CDH13: variants seen among roughly 807,000 people sequenced by gnomAD.
CDH13 encodes the protein cadherin-13.
CDH13 carries 24 observed loss-of-function variants against 63.8 expected under a neutral mutation model. The observed-to-expected ratio is 0.38, with a 90% CI of 0.27 to 0.53. The LOEUF (loss-of-function observed/expected upper bound fraction) is 0.53. Among genes scored for constraint, CDH13 ranks in the 20% least tolerant of loss-of-function variants. The probability of loss-of-function intolerance (pLI) is 0.85; values close to 1 mark genes in which losing one functional copy is unlikely to be tolerated. For synonymous variants in CDH13, 503 were observed against 355.3 expected, an observed-to-expected ratio of 1.42 and a Z score of -4.67; for missense variants, 1,049 against 903.1, an observed-to-expected ratio of 1.16 and a Z score of -2.07.
At chr16:82,653,953 T>G (rs2150912199) in intron 1 of CDH13, among the ~76,000 whole-genome samples, 1 of 152,156 alleles carries the variant, frequency 6.6e-6, no homozygotes, top group South Asian at 2.1e-4. Context: ...ACTTGCTAAT[T>G]AACTGTACGG....
At chr16:83,093,107 C>A (rs1054705035) in intron 3 of CDH13, among the ~76,000 whole-genome samples, 1 of 152,066 alleles carries the variant, frequency 6.6e-6, no homozygotes, top group Non-Finnish European at 1.5e-5. Flanking sequence ...CAACCTCCAT[C>A]TATAAAAGAA....
intron 11 of CDH13, among the ~76,000 whole-genome samples, chr16:83,748,738 G>A (rs921133217): frequency 2.6e-5 from 4 of 152,192 alleles, no homozygotes; most frequent in South Asian, 2.1e-4. Flanking sequence ...ATTGCTGTTC[G>A]TTCAAAAGAT....
At chr16:83,727,134 TC>T (rs1381822524) in intron 10 of CDH13, among the ~76,000 whole-genome samples, 1 of 152,124 alleles carries the variant, frequency 6.6e-6, no homozygotes. Context: ...TAGAACATTT[TC>T]AGCACCCTAA....
chr16:83,260,165 C>G (rs1055317979), intron 5 of CDH13, among the ~76,000 whole-genome samples: 1 of 143,740 alleles, frequency 7.0e-6, no homozygotes, highest in South Asian at 2.3e-4. Context: ...ACAAAGTTTA[C>G]AAATAATACT....
At chr16:82,649,072 T>C (rs1002439670) in intron 1 of CDH13, among the ~76,000 whole-genome samples, 2 of 134,622 alleles carry the variant, frequency 1.5e-5, no homozygotes, top group African/African-American at 6.2e-5. Context: ...GCAATGGAAC[T>C]AATATAAATA....
chr16:83,408,326 C>T (rs1438216964), intron 6 of CDH13, among the ~76,000 whole-genome samples: 1 of 152,158 alleles, frequency 6.6e-6, no homozygotes, highest in African/African-American at 2.4e-5. Context: ...AATGGGTATA[C>T]CTTCTGAGAA....
intron 1 of CDH13, among the ~76,000 whole-genome samples, chr16:82,720,772 T>C (rs1170745926): frequency 6.6e-6 from 1 of 152,140 alleles, no homozygotes; most frequent in African/African-American, 2.4e-5. Flanking sequence ...GATGGCCAGG[T>C]CTTCCTGCAT....
intron 6 of CDH13, among the ~76,000 whole-genome samples, chr16:83,471,671 C>T (rs1004524123): frequency 6.6e-6 from 1 of 152,152 alleles, no homozygotes; most frequent in East Asian, 1.9e-4. Flanking sequence ...AGTGAGTAAA[C>T]TGAAGGCAGG....
chr16:82,981,329 C>T (rs573999291), intron 2 of CDH13, among the ~76,000 whole-genome samples: 2 of 152,160 alleles, frequency 1.3e-5, no homozygotes, highest in African/African-American at 2.4e-5. Flanking sequence ...CCAGCTCACA[C>T]ACTGCAGTCC....
chr16:83,543,036 T>G (rs1598261146), intron 7 of CDH13, among the ~76,000 whole-genome samples: 1 of 152,232 alleles, frequency 6.6e-6, no homozygotes, highest in South Asian at 2.1e-4. Context: ...ACTGCCTTGT[T>G]GTGAGCTGCA....
chr16:83,350,595 T>A (rs1407470982), intron 6 of CDH13, among the ~76,000 whole-genome samples: 1 of 152,194 alleles, frequency 6.6e-6, no homozygotes, highest in African/African-American at 2.4e-5. Context: ...AAGCATCTAC[T>A]CTGTGCTGGC....
chr16:83,022,071 G>A (rs1463044468), intron 2 of CDH13, among the ~76,000 whole-genome samples: 1 of 152,176 alleles, frequency 6.6e-6, no homozygotes, highest in Non-Finnish European at 1.5e-5. Flanking sequence ...TCTGGACTAA[G>A]CCCTGTGAGT....
intron 5 of CDH13, among the ~76,000 whole-genome samples, chr16:83,301,741 C>T (rs2089751794): frequency 6.6e-6 from 1 of 151,978 alleles, no homozygotes; most frequent in Admixed American, 6.6e-5. Flanking sequence ...CTTATTTTTT[C>T]CTTCTTTGAT....
chr16:82,808,395 T>G (rs1282566692), intron 1 of CDH13, among the ~76,000 whole-genome samples: 7 of 152,254 alleles, frequency 4.6e-5, no homozygotes, highest in Non-Finnish European at 5.9e-5. Context: ...AGACACTTAG[T>G]CAAAAATTGT....
chr16:82,632,524 G>A (rs1002375544), intron 1 of CDH13, among the ~76,000 whole-genome samples: 1 of 152,092 alleles, frequency 6.6e-6, no homozygotes, highest in African/African-American at 2.4e-5. Flanking sequence ...CTGCAGCTCT[G>A]AGTCAGTACG....
chr16:82,905,049 G>A (rs1181198994), intron 2 of CDH13, among the ~76,000 whole-genome samples: 1 of 152,138 alleles, frequency 6.6e-6, no homozygotes, highest in African/African-American at 2.4e-5. Flanking sequence ...CTCTTCCCTA[G>A]AAGCATCTCG....
At chr16:83,225,335 C>T (rs1161978467) in intron 5 of CDH13, among the ~76,000 whole-genome samples, 1 of 152,168 alleles carries the variant, frequency 6.6e-6, no homozygotes, top group South Asian at 2.1e-4. Context: ...CTCCGGTGTG[C>T]CATTTGAAAG....
At chr16:82,842,837 T>C (rs2039090730) in intron 1 of CDH13, among the ~76,000 whole-genome samples, 1 of 152,130 alleles carries the variant, frequency 6.6e-6, no homozygotes, top group Admixed American at 6.5e-5. Flanking sequence ...CAGTGACAGA[T>C]CATCAGGCAT....
intron 4 of CDH13, among the ~76,000 whole-genome samples, chr16:83,140,244 T>A (rs555524557): frequency 6.6e-6 from 1 of 152,278 alleles, no homozygotes; most frequent in South Asian, 2.1e-4. Context: ...GAGCTCCACT[T>A]CTAATCATAC....
Sources: gnomAD v4.1 joint callset for allele counts (sites outside exome capture counted in the v4.1 genomes callset) on GRCh38, gnomAD v4.1.1 for gene constraint, MANE v1.5 for transcripts, NCBI Gene and HGNC (gene_info 2026-07-23, HGNC 2026-07-21) for gene names.